Variants in DIP2C observed in about 807,000 individuals in gnomAD.
DIP2C encodes disco-interacting protein 2 homolog C.
A neutral mutation model predicts 192.4 loss-of-function variants in DIP2C; 33 were observed. The ratio of observed to expected loss-of-function variants is 0.17; its 90% CI spans 0.13 to 0.23. The LOEUF is 0.23. DIP2C is among the 10% of genes least tolerant of loss of function. The pLI is 1.00. For missense variants in DIP2C, 1,537 were observed against 2,110.1 expected (o/e 0.73, Z 5.32); for synonymous variants, 979 against 864.1 (o/e 1.13, Z -2.33).
chr10:319,289 T>C (rs1707328984), intron 31 of DIP2C, among the ~76,000 whole-genome samples: 1 of 152,166 alleles, frequency 6.6e-6, no homozygotes, highest in African/African-American at 2.4e-5. Flanking sequence ...AGTTTCAAGA[T>C]TTAAGGGTCA....
At chr10:529,842 C>T (rs1588397614) in intron 1 of DIP2C, among the ~76,000 whole-genome samples, 8 of 152,218 alleles carry the variant, frequency 5.3e-5, no homozygotes, top group Admixed American at 3.9e-4. Flanking sequence ...TGCAGTATTG[C>T]GATCATGGCT....
In DIP2C at chr10:277,485, T is replaced by C. The variant is rs769115378; in HGVS notation, c.4511A>G (p.Asn1504Ser). The stretch of plus-strand genomic sequence containing the variant: ...CAGGTAGTGCTCCTCCAGGACCACG[T>C]TGGTCACCAAGGGAACCAGGTCCAA... ...EALDLVPLVT[N>S]VVLEEHYLIV... Residue 1504 changes from asparagine to serine, a missense_variant, in exon 37 of 37, where the codon AAC becomes AGC. Transcript: ENST00000280886. The C allele has an allele frequency of 2.5e-6, 4 of 1,614,088 alleles. No individual in the cohort carries two copies. The highest frequency in any genetic ancestry group is 4.5e-5 in the East Asian group (2 of 44,898).
At chr10:446,814 T>A (rs532773646) in intron 3 of DIP2C, among the ~76,000 whole-genome samples, 12 of 152,342 alleles carry the variant, frequency 7.9e-5, no homozygotes, top group Admixed American at 6.5e-4. Context: ...TTTTTCAGCA[T>A]CTTCTGAGAT....
chr10:546,751 TG>T (rs1227597900), intron 1 of DIP2C, among the ~76,000 whole-genome samples: 1 of 151,542 alleles, frequency 6.6e-6, no homozygotes, highest in Non-Finnish European at 1.5e-5. Context: ...TAGAAAACAC[TG>T]GTTCAGAGTT....
chr10:680,858 T>C (rs1831103420), intron 1 of DIP2C, among the ~76,000 whole-genome samples: 1 of 152,194 alleles, frequency 6.6e-6, no homozygotes, highest in African/African-American at 2.4e-5. Flanking sequence ...ACCTGACACA[T>C]GGTGCAGCCA....
chr10:320,979 G>C (rs1039904588), intron 31 of DIP2C, among the ~76,000 whole-genome samples: 2 of 151,024 alleles, frequency 1.3e-5, no homozygotes, highest in Admixed American at 1.3e-4. Context: ...GGGCAGAGGA[G>C]AGTCCATCCA....
chr10:410,645 A>G (rs1965124607), intron 8 of DIP2C, among the ~76,000 whole-genome samples: 2 of 152,372 alleles, frequency 1.3e-5, no homozygotes, highest in South Asian at 4.1e-4. Context: ...CAACTGAAAG[A>G]AAAACAATGT....
chr10:407,458 A>G (rs1428292114), intron 9 of DIP2C, among the ~76,000 whole-genome samples: 5 of 152,196 alleles, frequency 3.3e-5, no homozygotes, highest in Non-Finnish European at 5.9e-5. Context: ...CCGAAGCAGA[A>G]CTGCTGGATC....
intron 1 of DIP2C, among the ~76,000 whole-genome samples, chr10:505,219 G>A (rs1038821095): frequency 1.3e-5 from 2 of 151,954 alleles, no homozygotes; most frequent in African/African-American, 4.8e-5. Context: ...CTAATAACCG[G>A]CACCTCATCA....
At chr10:447,653 C>A (rs1424219449) in intron 3 of DIP2C, among the ~76,000 whole-genome samples, 4 of 135,972 alleles carry the variant, frequency 2.9e-5, no homozygotes, top group Non-Finnish European at 6.0e-5. Flanking sequence ...AGTGGGGCAG[C>A]AGGACCCAAT....
intron 31 of DIP2C, chr10:311,678 G>C: frequency 1.2e-6 from 1 of 857,050 alleles, no homozygotes; most frequent in Non-Finnish European, 1.5e-6. Flanking sequence ...AAATGGGATG[G>C]AGAAGAGGGA....
chr10:405,085 T>C (rs1050745965), intron 9 of DIP2C, among the ~76,000 whole-genome samples: 2 of 152,248 alleles, frequency 1.3e-5, no homozygotes, highest in African/African-American at 4.8e-5. Context: ...CACCCATTCA[T>C]GAGAACATGT....
At chr10:472,868 C>G (rs1170879698) in intron 2 of DIP2C, among the ~76,000 whole-genome samples, 4 of 152,162 alleles carry the variant, frequency 2.6e-5, no homozygotes, top group Non-Finnish European at 5.9e-5. Context: ...CAACAGGGCC[C>G]AAGACATAGA....
rs765765703 is a variant in DIP2C, at chr10:277,175, G to A, written c.*150C>T. On this transcript the variant is annotated 3_prime_UTR_variant, in exon 37 of 37. Coordinates refer to ENST00000280886, the MANE Select transcript of DIP2C (RefSeq NM_014974.3). Reference sequence around the variant, plus strand: ...CCCCCATGCCAATCGTGGCTGCTGTGAGAAGTCCTCTTCCTCCTCCTCTTC... The same window carrying A: ...CCCCCATGCCAATCGTGGCTGCTGTAAGAAGTCCTCTTCCTCCTCCTCTTC... The A allele has an allele frequency of 6.6e-5, 79 of 1,203,878 alleles. No homozygotes were observed. Among genetic ancestry groups the A allele is most frequent in the East Asian group, 1.7e-4 (7 of 41,030 alleles). 74.6% of individuals were successfully genotyped at this position (1,203,878 alleles called of 1,614,324 possible).
chr10:662,267 T>TTTGG, intron 1 of DIP2C: 2 of 613,904 alleles, frequency 3.3e-6, no homozygotes, highest in Non-Finnish European at 5.8e-6. Flanking sequence ...ATGAGGTACC[T>TTTGG]ATGCACTTTC....
At chr10:443,694 T>C (rs1360740620) in intron 3 of DIP2C, among the ~76,000 whole-genome samples, 1 of 152,214 alleles carries the variant, frequency 6.6e-6, no homozygotes, top group South Asian at 2.1e-4. Flanking sequence ...TGGCCTTTTC[T>C]TATTTCTACC....
At chr10:306,665 G>A (rs1956339511) in intron 32 of DIP2C, among the ~76,000 whole-genome samples, 2 of 152,204 alleles carry the variant, frequency 1.3e-5, no homozygotes, top group African/African-American at 4.8e-5. Context: ...TCATTTCACT[G>A]CCTCCCGACT....
At chr10:582,664 G>C (rs1850742365) in intron 1 of DIP2C, among the ~76,000 whole-genome samples, 1 of 152,220 alleles carries the variant, frequency 6.6e-6, no homozygotes. Context: ...AGAGAATGGT[G>C]TGATAGCGTT....
chr10:428,820 C>G (rs1272161433), intron 4 of DIP2C, among the ~76,000 whole-genome samples: 1 of 152,016 alleles, frequency 6.6e-6, no homozygotes, highest in Non-Finnish European at 1.5e-5. Flanking sequence ...TTTCTCTGGT[C>G]TTCACTTTGG....
Sources: allele counts gnomAD v4.1 joint callset (sites outside exome capture counted in the v4.1 genomes callset), GRCh38; gene constraint gnomAD v4.1.1; transcripts MANE v1.5; gene names NCBI Gene and HGNC (gene_info 2026-07-23, HGNC 2026-07-21).